The following CCDC172 variants were observed in gnomAD, a reference collection of about 807,000 sequenced individuals.
CCDC172 encodes the protein coiled-coil domain-containing protein 172.
A neutral mutation model predicts 38.0 loss-of-function variants in CCDC172; 30 were observed. That is an observed-to-expected ratio of 0.79 (90% CI 0.59 to 1.07). The LOEUF is 1.07. CCDC172 is among the 50% of genes least tolerant of loss of function. The pLI, the probability that CCDC172 is intolerant of heterozygous loss-of-function variation, is 0.00. For synonymous variants in CCDC172, 78 were observed against 88.3 expected (o/e 0.88, Z 0.66); for missense variants, 297 against 290.1 (o/e 1.02, Z -0.17).
intron 5 of CCDC172, among the ~76,000 whole-genome samples, chr10:116,345,815 G>A (rs1428484439): frequency 2.6e-5 from 4 of 152,156 alleles, no homozygotes; most frequent in Admixed American, 6.5e-5. Flanking sequence ...TGCTGAGAAT[G>A]TGGAGCATCT....
At chr10:116,371,267 A>G (rs1845182920) in intron 7 of CCDC172, among the ~76,000 whole-genome samples, 1 of 151,848 alleles carries the variant, frequency 6.6e-6, no homozygotes, top group Admixed American at 6.6e-5. Flanking sequence ...AAGTTTTAAT[A>G]TTTTAAACAC....
chr10:116,377,417 C>CT (rs1160481095), intron 7 of CCDC172, among the ~76,000 whole-genome samples: 1 of 152,120 alleles, frequency 6.6e-6, no homozygotes, highest in Non-Finnish European at 1.5e-5. Flanking sequence ...CTCTCATAAA[C>CT]TTTAACAACT....
intron 7 of CCDC172, among the ~76,000 whole-genome samples, chr10:116,374,286 A>C (rs1845220297): frequency 6.6e-6 from 1 of 152,164 alleles, no homozygotes; most frequent in African/African-American, 2.4e-5. Context: ...AAGTGAAAAG[A>C]TGAAAGTTTC....
intron 3 of CCDC172, among the ~76,000 whole-genome samples, chr10:116,336,435 T>C (rs1485156239): frequency 2.0e-5 from 3 of 151,516 alleles, no homozygotes; most frequent in Non-Finnish European, 4.4e-5. Flanking sequence ...CAGGAGGTTA[T>C]TTCCTTCCTT....
rs567487852 is a variant in CCDC172, at chr10:116,354,693, G to A, written c.449-2687G>A. 7.9e-5 allele frequency among the ~76,000 whole-genome samples: 12 copies of A among 152,318 alleles called. No homozygotes were observed. The South Asian group carries it at 2.5e-3, about 32-fold the overall frequency. The stretch of plus-strand genomic sequence containing the variant: ...TGCAGTGAGCTGAGATCATGCCACT[G>A]CACTCCAGCCTGGGTGACAGAGCGA... On this transcript the variant is annotated intron_variant, in intron 5 of 8. Transcript: ENST00000333254.
At chr10:116,369,567 A>G (rs540423569) in intron 7 of CCDC172, among the ~76,000 whole-genome samples, 2 of 152,058 alleles carry the variant, frequency 1.3e-5, no homozygotes, top group African/African-American at 2.4e-5. Context: ...TTTTATAGCT[A>G]TATAATACTT....
At chr10:116,354,961 C>T (rs1273059342) in intron 5 of CCDC172, among the ~76,000 whole-genome samples, 1 of 152,072 alleles carries the variant, frequency 6.6e-6, no homozygotes, top group African/African-American at 2.4e-5. Context: ...TACAACTGTA[C>T]TGTATATTTG....
chr10:116,330,947 C>T (rs1844655244), intron 3 of CCDC172, among the ~76,000 whole-genome samples: 1 of 151,846 alleles, frequency 6.6e-6, no homozygotes, highest in African/African-American at 2.4e-5. Context: ...GCTATTTTGC[C>T]CAGGCTAGTT....
intron 5 of CCDC172, among the ~76,000 whole-genome samples, chr10:116,353,570 A>G (rs141585794): frequency 2.3e-4 from 35 of 152,322 alleles, no homozygotes; most frequent in Middle Eastern, 3.4e-3. Flanking sequence ...AAGGAATTAA[A>G]TAGACGTTTC....
chr10:116,346,850 A>T (rs1589952304), intron 5 of CCDC172, among the ~76,000 whole-genome samples: 1 of 152,272 alleles, frequency 6.6e-6, no homozygotes, highest in African/African-American at 2.4e-5. Context: ...TTTTAATAGC[A>T]GGGACTTTAT....
intron 7 of CCDC172, among the ~76,000 whole-genome samples, chr10:116,373,430 C>T (rs774991294): frequency 8.6e-5 from 13 of 151,998 alleles, no homozygotes; most frequent in Middle Eastern, 6.8e-3. Flanking sequence ...TGATGATGAC[C>T]GAACAAAAAA....
chr10:116,327,624 T>C (rs892412825), intron 3 of CCDC172, among the ~76,000 whole-genome samples: 2 of 152,114 alleles, frequency 1.3e-5, no homozygotes, highest in Non-Finnish European at 2.9e-5. Context: ...CTAATTAATA[T>C]AGGTTCATAA....
chr10:116,357,050 C>T (rs1845005659), intron 5 of CCDC172, among the ~76,000 whole-genome samples: 1 of 152,080 alleles, frequency 6.6e-6, no homozygotes, highest in African/African-American at 2.4e-5. Context: ...TAAGGCAAAG[C>T]TTAAATGCTT....
chr10:116,373,338 A>C (rs1272569509), intron 7 of CCDC172, among the ~76,000 whole-genome samples: 1 of 152,160 alleles, frequency 6.6e-6, no homozygotes, highest in African/African-American at 2.4e-5. Context: ...TTTCACTTTT[A>C]ATTAATGTAA....
chr10:116,373,650 G>A (rs1164843956), intron 7 of CCDC172, among the ~76,000 whole-genome samples: 6 of 151,942 alleles, frequency 3.9e-5, no homozygotes, highest in South Asian at 2.1e-4. Context: ...GATTACAGGC[G>A]TGTGCCACCA....
intron 7 of CCDC172, among the ~76,000 whole-genome samples, chr10:116,361,508 A>G (rs1189120739): frequency 6.6e-6 from 1 of 152,248 alleles, no homozygotes; most frequent in Non-Finnish European, 1.5e-5. Flanking sequence ...AAATCTGCAT[A>G]GGCAACAGCA....
intron 3 of CCDC172, among the ~76,000 whole-genome samples, chr10:116,330,393 A>G (rs1844645309): frequency 1.3e-5 from 2 of 152,194 alleles, no homozygotes; most frequent in Non-Finnish European, 2.9e-5. Flanking sequence ...ATATATCAAC[A>G]TTTGGAGGAT....
At chr10:116,357,548 T>C in intron 6 of CCDC172, 67 bp downstream of exon 6, 3 of 1,254,754 alleles carry the variant, frequency 2.4e-6, no homozygotes, top group Non-Finnish European at 3.2e-6. Context: ...TAAGGGCATA[T>C]TATTCTTTTA....
intron 5 of CCDC172, among the ~76,000 whole-genome samples, chr10:116,352,893 TATTAGAGCTA>T (rs1372245826): frequency 6.6e-6 from 1 of 152,092 alleles, no homozygotes; most frequent in Non-Finnish European, 1.5e-5. Flanking sequence ...ACAGGAAAAC[TATTAGAGCTA>T]ATAAACAAGG....
Sources: allele counts gnomAD v4.1 joint callset (sites outside exome capture counted in the v4.1 genomes callset), GRCh38; gene constraint gnomAD v4.1.1; transcripts MANE v1.5; gene names NCBI Gene and HGNC (gene_info 2026-07-23, HGNC 2026-07-21).